Variants in RCC1L observed in about 807,000 individuals in gnomAD.
RCC1L encodes RCC1-like G exchanging factor-like protein.
RCC1L carries 46 observed loss-of-function variants against 58.6 expected under a neutral mutation model. The observed-to-expected ratio is 0.79, with a 90% CI of 0.62 to 1.00. The LOEUF is 1.00. Among genes scored for constraint, RCC1L ranks in the 50% least tolerant of loss-of-function variants. The pLI is 0.00. For missense variants in RCC1L, 636 were observed against 623.6 expected, an observed-to-expected ratio of 1.02 and a Z score of -0.21; for synonymous variants, 281 against 262.9, an observed-to-expected ratio of 1.07 and a Z score of -0.67.
intron 10 of RCC1L, among the ~76,000 whole-genome samples, chr7:75,050,946 T>G (rs1315051594): frequency 4.0e-5 from 6 of 151,842 alleles, no homozygotes; most frequent in African/African-American, 1.4e-4. Flanking sequence ...TAAAAAAATT[T>G]GTCAGGTGTG....
intron 10 of RCC1L, among the ~76,000 whole-genome samples, chr7:75,034,452 G>C (rs968593724): frequency 0.11 from 16,644 of 152,182 alleles, 952 homozygotes; most frequent in South Asian, 0.12. Context: ...GGAGGCGGAG[G>C]TTGCAGTGAG....
intron 3 of RCC1L, 22 bp downstream of exon 3, chr7:75,066,640 TCA>T: frequency 6.2e-7 from 1 of 1,608,398 alleles, no homozygotes; most frequent in Non-Finnish European, 8.5e-7. Flanking sequence ...CACTCTTCCA[TCA>T]CCCTTCAATA....
intron 5 of RCC1L, among the ~76,000 whole-genome samples, chr7:75,062,393 C>T (rs1326234771): frequency 1.3e-5 from 2 of 152,112 alleles, no homozygotes; most frequent in African/African-American, 2.4e-5. Context: ...CACCTGTAGA[C>T]CCAGCTACAC....
At chr7:75,050,325 A>G (rs956490299) in intron 10 of RCC1L, among the ~76,000 whole-genome samples, 44 of 152,254 alleles carry the variant, frequency 2.9e-4, no homozygotes, top group Middle Eastern at 3.4e-3. Flanking sequence ...AAAGCAAATG[A>G]CCAGAAGGAC....
chr7:75,058,807 T>C lies in RCC1L; in HGVS notation c.788-38A>G, dbSNP rs1469646339. On this transcript the variant is annotated intron_variant, in intron 6 of 10. Transcript: ENST00000610322. ...AAAATACAGATTTTTAATTATTCGCTCTTTTAACAAACACATAGGCAGACT... is the reference window on the plus strand; with the variant it reads ...AAAATACAGATTTTTAATTATTCGCCCTTTTAACAAACACATAGGCAGACT... The C allele has an allele frequency of 3.1e-6, 5 of 1,612,440 alleles. No individual in the cohort carries two copies. In the African/African-American group the frequency reaches 5.3e-5, roughly 17 times the overall value.
At chr7:75,054,567 C>T (rs1424261852) in intron 9 of RCC1L, among the ~76,000 whole-genome samples, 1 of 152,092 alleles carries the variant, frequency 6.6e-6, no homozygotes, top group Admixed American at 6.6e-5. Flanking sequence ...TTTGTTTCCC[C>T]CAAAATTAGT....
intron 9 of RCC1L, among the ~76,000 whole-genome samples, chr7:75,055,327 G>A (rs1214884684): frequency 6.6e-6 from 1 of 152,110 alleles, no homozygotes; most frequent in African/African-American, 2.4e-5. Context: ...AGGGTAAGCG[G>A]ATATTCTGTG....
rs1185580367 is a variant in RCC1L at position 75,063,274 on chromosome 7, T to TCGG, written c.702+15_702+17dup. ...ACCCCAGGAACACAACAAGCAGCTC[T>TCGG]CGGCCCATCTCTCTTACCTGGACCA... On this transcript the variant is annotated intron_variant, in intron 5 of 10. Transcript: ENST00000610322. The TCGG allele has an allele frequency of 6.0e-5, 97 of 1,613,670 alleles. No homozygotes were observed. The highest frequency in any genetic ancestry group is 7.9e-5 in the Non-Finnish European group (93 of 1,179,832).
chr7:75,073,200 C>A (rs1260887101), intron 1 of RCC1L, among the ~76,000 whole-genome samples: 1 of 152,206 alleles, frequency 6.6e-6, no homozygotes, highest in Admixed American at 6.5e-5. Context: ...GCGAATGACA[C>A]GACCCGGCAC....
intron 10 of RCC1L, among the ~76,000 whole-genome samples, chr7:75,035,914 A>G (rs956897869): frequency 6.6e-6 from 1 of 151,926 alleles, no homozygotes; most frequent in African/African-American, 2.4e-5. Context: ...CTGAGACAGG[A>G]GGATTGCTTG....
chr7:75,028,304 A>C (rs1805199879), intron 10 of RCC1L, among the ~76,000 whole-genome samples: 1 of 151,930 alleles, frequency 6.6e-6, no homozygotes, highest in African/African-American at 2.4e-5. Context: ...TATTTTTGGT[A>C]GAGACGGGGT....
chr7:75,073,794 A>C lies in RCC1L; in HGVS notation c.-57T>G. ...GCCGCCATCTTGCGTGACCCTTAAC[A>C]CCAGTCCTCGCCGGAAGAGGCTACG... On this transcript the variant is annotated 5_prime_UTR_variant, in exon 1 of 11. Transcript: ENST00000610322. 5 of 1,501,234 alleles carry C rather than the reference A, an allele frequency of 3.3e-6. No individual in the cohort carries two copies. The highest frequency in any genetic ancestry group is 4.4e-6 in the Non-Finnish European group (5 of 1,130,998). 93.0% of individuals were successfully genotyped at this position (1,501,234 alleles called of 1,614,324 possible). A position where few individuals can be genotyped will look rare whatever the true frequency, so the allele number is the denominator to read the frequency against.
Position 75,073,483 on chromosome 7 carries a change from C to A in RCC1L, c.255G>T (p.Gly85=). 3 of 1,385,680 alleles carry A rather than the reference C, an allele frequency of 2.2e-6. No homozygotes were observed. Among genetic ancestry groups the A allele is most frequent in the South Asian group, 3.2e-5 (2 of 61,644 alleles). 85.8% of individuals were successfully genotyped at this position (1,385,680 alleles called of 1,614,324 possible). A position where few individuals can be genotyped will look rare whatever the true frequency, so the allele number is the denominator to read the frequency against. ...GGCGCGGTCGGGCGCCGGCGCGGGG[C>A]CCGGGCCCGGAGCTGGGCACCACAA... is the stretch of plus-strand genomic sequence containing the variant. The part of the protein sequence containing the change: ...PSFVVPSSGP[G]PRAGARPRRR... The change falls in exon 1 of 11, where the codon GGG becomes GGT. Residue 85 remains glycine, a synonymous_variant. Coordinates refer to ENST00000610322, the MANE Select transcript of RCC1L (RefSeq NM_030798.5).
exon 11 of RCC1L, chr7:75,027,873 G>T: frequency 1.2e-6 from 1 of 824,918 alleles, no homozygotes; most frequent in Non-Finnish European, 2.0e-6. Flanking sequence ...CCAGGCAGGG[G>T]CCGTCTGCCC....
In RCC1L at chr7:75,058,621, G is replaced by A. The variant is rs1448392546; in HGVS notation, c.936C>T (p.Tyr312=). The change falls in exon 7 of 11, where the codon TAC becomes TAT. Residue 312 remains tyrosine, a synonymous_variant. Transcript: ENST00000610322. ...GGLFGWGNSE[Y]LQLASVTDST... ...AGTCAGTGACAGAGGCCAGCTGCAG[G>A]TACTCCGAGTTTCCCCAACCAAAAA... is the stretch of plus-strand genomic sequence containing the variant. 2.5e-6 allele frequency: 4 copies of A among 1,611,450 alleles called. No homozygotes were observed. The highest frequency in any genetic ancestry group is 3.4e-6 in the Non-Finnish European group (4 of 1,178,760).
chr7:75,058,557 T>G, intron 7 of RCC1L, 31 bp downstream of exon 7: 2 of 1,559,634 alleles, frequency 1.3e-6, no homozygotes, highest in South Asian at 2.3e-5. Context: ...TTTCCAAACC[T>G]CCCAGCACCA....
chr7:75,045,426 TG>T (rs2131979289), intron 10 of RCC1L, among the ~76,000 whole-genome samples: 1 of 152,286 alleles, frequency 6.6e-6, no homozygotes, highest in South Asian at 2.1e-4. Flanking sequence ...GTGATTCTCC[TG>T]CTTCAGCCTC....
Position 75,052,760 on chromosome 7 carries a change from C to CGGAT in RCC1L, c.1264_1267dup (p.Arg423HisfsTer136). 1 of 1,613,424 alleles carries CGGAT rather than the reference C, an allele frequency of 6.2e-7. No homozygotes were observed. The highest frequency in any genetic ancestry group is 1.3e-5 in the African/African-American group (1 of 75,024). On this transcript the variant is annotated frameshift_variant, in exon 10 of 11. Transcript: ENST00000610322. LOFTEE classifies it high-confidence loss of function. ...CAGGCGACCGATTCCCAGGCACCCT[C>CGGAT]GGATGTTCTTGCCCCATACAAACAG... is the stretch of plus-strand genomic sequence containing the variant.
Position 75,051,196 on chromosome 7 carries a change from T to G in RCC1L, c.1317+1515A>C, listed in dbSNP as rs1416160291. On this transcript the variant is annotated intron_variant, in intron 10 of 10. Coordinates refer to ENST00000610322, the MANE Select transcript of RCC1L (RefSeq NM_030798.5). ...TGGAAAAAATATATATATATATATA[T>G]TTAATATATATAAACGTATAATATA... 7.7e-3 allele frequency among the ~76,000 whole-genome samples: 1,118 copies of G among 146,068 alleles called. 5 individuals carry two copies. The highest frequency in any genetic ancestry group is 0.013 in the Non-Finnish European group (847 of 67,162).
Sources: allele counts gnomAD v4.1 joint callset (sites outside exome capture counted in the v4.1 genomes callset), GRCh38; gene constraint gnomAD v4.1.1; transcripts MANE v1.5; gene names NCBI Gene and HGNC (gene_info 2026-07-23, HGNC 2026-07-21).